Variants in PAPPA2 observed in about 807,000 individuals in gnomAD.
PAPPA2 encodes pappalysin-2.
PAPPA2 carries 86 observed loss-of-function variants against 176.4 expected under a neutral mutation model. The ratio of observed to expected loss-of-function variants is 0.49; its 90% CI spans 0.41 to 0.58. PAPPA2 has a LOEUF of 0.58. PAPPA2 is among the 20% of genes least tolerant of loss of function. The pLI, the probability that PAPPA2 is intolerant of heterozygous loss-of-function variation, is 0.00. For synonymous variants in PAPPA2, 809 were observed against 852.2 expected (o/e 0.95, Z 0.88); for missense variants, 2,073 against 2,256.9 (o/e 0.92, Z 1.65).
intron 1 of PAPPA2, among the ~76,000 whole-genome samples, chr1:176,526,180 G>C (rs1295187781): frequency 6.6e-6 from 1 of 152,218 alleles, no homozygotes; most frequent in East Asian, 1.9e-4. Flanking sequence ...TTTGTGGATA[G>C]AGTGTTCCAA....
At chr1:176,628,443 A>T (rs1455788749) in intron 3 of PAPPA2, among the ~76,000 whole-genome samples, 1 of 152,174 alleles carries the variant, frequency 6.6e-6, no homozygotes, top group Non-Finnish European at 1.5e-5. Flanking sequence ...TGTAGGGGAG[A>T]CATAAAGAGA....
At chr1:176,668,384 C>T (rs1658787738) in intron 3 of PAPPA2, among the ~76,000 whole-genome samples, 1 of 152,168 alleles carries the variant, frequency 6.6e-6, no homozygotes, top group South Asian at 2.1e-4. Flanking sequence ...TTTTGCGTTT[C>T]ACTGCATTTA....
chr1:176,671,873 G>T (rs1388778680), intron 4 of PAPPA2, among the ~76,000 whole-genome samples: 1 of 134,642 alleles, frequency 7.4e-6, no homozygotes, highest in Non-Finnish European at 1.5e-5. Flanking sequence ...AGAACACATG[G>T]ACACAGGAAG....
intron 15 of PAPPA2, among the ~76,000 whole-genome samples, chr1:176,766,062 G>A (rs1466898114): frequency 6.6e-6 from 1 of 152,186 alleles, no homozygotes; most frequent in East Asian, 1.9e-4. Flanking sequence ...AAAGGGCAAT[G>A]CTTATTCTGT....
chr1:176,702,690 A>G lies in PAPPA2; in HGVS notation c.3320A>G (p.Asn1107Ser). 2 of 1,611,092 alleles carry G rather than the reference A, an allele frequency of 1.2e-6. No individual in the cohort carries two copies. The highest frequency in any genetic ancestry group is 2.2e-5 in the East Asian group (1 of 44,720). The change falls in exon 9 of 23, where the codon AAC becomes AGC. Residue 1107 changes from asparagine (N) to serine (S), a missense_variant. Around this residue, in one of 4 missense-constraint regions of PAPPA2, gnomAD observed 846 missense variants for 857.9 expected, o/e 0.99. Transcript: ENST00000367662. ...CTGGGAGAAGCTTCGCCTCCTCTGA[A>G]CCACATTCATGGAGCTCCTTATTGT... ...GELGEASPPL[N>S]HIHGAPYCGD...
intron 9 of PAPPA2, among the ~76,000 whole-genome samples, chr1:176,703,591 T>A (rs1326963073): frequency 5.3e-5 from 8 of 152,208 alleles, no homozygotes; most frequent in African/African-American, 1.9e-4. Context: ...CCAGACCAGG[T>A]GAAAATATAT....
chr1:176,524,401 A>T (rs1229543245), intron 1 of PAPPA2, among the ~76,000 whole-genome samples: 1 of 152,238 alleles, frequency 6.6e-6, no homozygotes, highest in Non-Finnish European at 1.5e-5. Flanking sequence ...TATGAGTAGC[A>T]CATTTTAATG....
intron 1 of PAPPA2, among the ~76,000 whole-genome samples, chr1:176,522,134 C>T (rs74658586): frequency 0.079 from 12,050 of 152,224 alleles, 592 homozygotes; most frequent in South Asian, 0.15. Flanking sequence ...TTAAAATCAA[C>T]CTGAACACAG....
intron 21 of PAPPA2, among the ~76,000 whole-genome samples, chr1:176,810,269 G>A (rs1369711778): frequency 6.6e-6 from 1 of 152,120 alleles, no homozygotes; most frequent in African/African-American, 2.4e-5. Context: ...ATAGAGCTCA[G>A]ATGCTCAGGA....
intron 1 of PAPPA2, among the ~76,000 whole-genome samples, chr1:176,551,954 G>A (rs1650978676): frequency 6.6e-6 from 1 of 152,088 alleles, no homozygotes; most frequent in Admixed American, 6.5e-5. Flanking sequence ...GGGAAGAGGA[G>A]TTCCCTTAAA....
At chr1:176,772,602 A>C (rs1202764090) in intron 17 of PAPPA2, among the ~76,000 whole-genome samples, 2 of 152,122 alleles carry the variant, frequency 1.3e-5, no homozygotes, top group African/African-American at 2.4e-5. Context: ...TTTCCACCAG[A>C]GGGAAGGGCC....
intron 1 of PAPPA2, among the ~76,000 whole-genome samples, chr1:176,533,027 T>C (rs984919478): frequency 7.9e-5 from 12 of 152,252 alleles, no homozygotes. Context: ...GCAGCCCCTC[T>C]GCCCTTCCTC....
intron 3 of PAPPA2, among the ~76,000 whole-genome samples, chr1:176,600,794 C>T (rs1266518582): frequency 6.6e-6 from 1 of 152,078 alleles, no homozygotes; most frequent in South Asian, 2.1e-4. Context: ...GTGGAGTGCT[C>T]CAGGCACAGA....
At chr1:176,512,221 C>CAAAAAAAAAA (rs58968098) in intron 1 of PAPPA2, among the ~76,000 whole-genome samples, 2 of 105,738 alleles carry the variant, frequency 1.9e-5, no homozygotes, top group African/African-American at 3.6e-5. Flanking sequence ...ACTAAATTTG[C>CAAAAAAAAAA]AAAAAAAAAA....
intron 5 of PAPPA2, 104 bp downstream of exon 5, chr1:176,690,534 C>T: frequency 2.6e-6 from 4 of 1,524,040 alleles, no homozygotes; most frequent in Non-Finnish European, 3.5e-6. Context: ...ATTAAGTGGT[C>T]ATTTGTGTCG....
intron 1 of PAPPA2, among the ~76,000 whole-genome samples, chr1:176,465,501 A>G (rs1184129520): frequency 2.6e-5 from 4 of 152,198 alleles, no homozygotes; most frequent in African/African-American, 9.7e-5. Flanking sequence ...TTTATTGGGC[A>G]CATATATCAC....
At chr1:176,739,113 A>G (rs773429149) in intron 12 of PAPPA2, among the ~76,000 whole-genome samples, 1 of 152,176 alleles carries the variant, frequency 6.6e-6, no homozygotes, top group African/African-American at 2.4e-5. Context: ...GTCAGAGTTC[A>G]CATGCTATGT....
chr1:176,702,283 G>C (rs1214691300), intron 8 of PAPPA2, among the ~76,000 whole-genome samples: 2 of 152,144 alleles, frequency 1.3e-5, no homozygotes, highest in Non-Finnish European at 2.9e-5. Flanking sequence ...AAATAGTTTT[G>C]TTTTGTTTTA....
rs762510082 is a variant in PAPPA2, at chr1:176,498,751, C to CACAAAAAAAAAAAAAAAAAAAAA, written c.-917+35334_-917+35335insCAAAAAAAAAAAAAAAAAAAAAA. ...GGCGACAGAGCGAGACTCTTACCTC[C>CACAAAAAAAAAAAAAAAAAAAAA]AAAAAAAAAAAAAAAGAAGAAGAAA... On this transcript the variant is annotated intron_variant, in intron 1 of 22. Transcript: ENST00000367662. Among the ~76,000 whole-genome samples, 176 of 111,974 alleles carry CACAAAAAAAAAAAAAAAAAAAAA rather than the reference C, an allele frequency of 1.6e-3. 1 individual carries two copies. The highest frequency in any genetic ancestry group is 9.8e-3 in the Middle Eastern group (2 of 204). The allele number at this position is 111,974 out of a possible 152,430, so 73.5% of individuals were successfully genotyped here.
Sources: allele counts gnomAD v4.1 joint callset (sites outside exome capture counted in the v4.1 genomes callset), GRCh38; gene constraint gnomAD v4.1.1; regional missense constraint gnomAD v4.1.1; transcripts MANE v1.5; gene names NCBI Gene and HGNC (gene_info 2026-07-23, HGNC 2026-07-21).